The following RUBCN variants were observed in gnomAD, a reference collection of about 807,000 sequenced individuals.
RUBCN encodes rubicon autophagy regulator.
Under a neutral mutation model 113.2 loss-of-function variants are expected in RUBCN, and 74 were observed. The observed-to-expected ratio is 0.65, with a 90% CI of 0.54 to 0.79. The LOEUF (loss-of-function observed/expected upper bound fraction) is 0.79, where lower values mean the gene tolerates loss of function less well. RUBCN is among the 30% of genes least tolerant of loss of function. RUBCN has a pLI of 0.00. For missense variants in RUBCN, 1,109 were observed against 1,251.7 expected, an observed-to-expected ratio of 0.89 and a Z score of 1.72; for synonymous variants, 480 against 490.0, an observed-to-expected ratio of 0.98 and a Z score of 0.27.
chr3:197,722,523 G>A (rs1169097802), intron 1 of RUBCN, among the ~76,000 whole-genome samples: 1 of 151,584 alleles, frequency 6.6e-6, no homozygotes, highest in Non-Finnish European at 1.5e-5. Context: ...GTTTTCGACT[G>A]TTACTGTATC....
At chr3:197,682,449 G>T in intron 14 of RUBCN, 21 bp downstream of exon 14, 2 of 1,613,962 alleles carry the variant, frequency 1.2e-6, no homozygotes, top group Non-Finnish European at 1.7e-6. Context: ...GCTCCAAAGG[G>T]CACAGACACT....
At chr3:197,731,732 G>A (rs1038569826) in intron 1 of RUBCN, among the ~76,000 whole-genome samples, 4 of 150,360 alleles carry the variant, frequency 2.7e-5, no homozygotes, top group African/African-American at 4.9e-5. Context: ...CGGATGGGGC[G>A]ACTGGCCGGG....
At chr3:197,688,889 A>G (rs867700961) in intron 11 of RUBCN, among the ~76,000 whole-genome samples, 1 of 152,200 alleles carries the variant, frequency 6.6e-6, no homozygotes, top group Non-Finnish European at 1.5e-5. Context: ...GCGAGTGGAG[A>G]CAGGAATTCA....
exon 1 of RUBCN, chr3:197,749,593 A>T (rs990390101): frequency 1.6e-5 from 19 of 1,222,164 alleles, no homozygotes; most frequent in Non-Finnish European, 1.9e-5. Context: ...ACCTGTCTGC[A>T]GCAGGAGGGA....
chr3:197,723,651 T>C (rs926989787), intron 1 of RUBCN, among the ~76,000 whole-genome samples: 2 of 152,228 alleles, frequency 1.3e-5, no homozygotes, highest in East Asian at 3.8e-4. Context: ...AGTGTCTTCA[T>C]CTTTTTAGGA....
In RUBCN at chr3:197,730,586, T is replaced by A. The variant is rs563883188; in HGVS notation, c.65+6069A>T. ...ACCCTAGATTTTTTTTTTTTTTTTT[T>A]GAGAGAGAAAGTGGGACCAGGGGGC... is the stretch of plus-strand genomic sequence containing the variant. On this transcript the variant is annotated intron_variant, in intron 1 of 19. Coordinates refer to ENST00000296343, the MANE Select transcript of RUBCN (RefSeq NM_014687.4). Among the ~76,000 whole-genome samples, 271 of 151,172 alleles carry A rather than the reference T, an allele frequency of 1.8e-3. 3 individuals are homozygous for A. The highest frequency in any genetic ancestry group is 4.8e-3 in the African/African-American group (199 of 41,084).
chr3:197,696,945 A>G lies in RUBCN; in HGVS notation c.1357+9T>C, dbSNP rs376822008. 6.7e-6 allele frequency: 10 copies of G among 1,495,232 alleles called. No individual in the cohort carries two copies. The highest frequency in any genetic ancestry group is 1.9e-6 in the Non-Finnish European group (2 of 1,071,664). The allele number at this position is 1,495,232 out of a possible 1,614,324, so 92.6% of individuals were successfully genotyped here. ...ATACAATTTTAGCCCTGGCCTTCCTAGTACTCACCATATTCCATGTACAGA... is the reference window on the plus strand; with the variant it reads ...ATACAATTTTAGCCCTGGCCTTCCTGGTACTCACCATATTCCATGTACAGA... On this transcript the variant is annotated intron_variant, in intron 8 of 19. Transcript: ENST00000296343.
Position 197,677,018 on chromosome 3 carries a change from G to C in RUBCN, c.2513C>G (p.Thr838Arg). 1 of 1,613,792 alleles carries C rather than the reference G, an allele frequency of 6.2e-7. No individual in the cohort carries two copies. Among genetic ancestry groups the C allele is most frequent in the Non-Finnish European group, 8.5e-7 (1 of 1,180,016 alleles). The change falls in exon 18 of 20, where the codon ACA (threonine) becomes AGA (arginine). Residue 838 changes from threonine to arginine, a missense_variant. Physicochemically the swap from Thr to Arg is moderately conservative, Grantham distance 71 (BLOSUM62 -1). Coordinates refer to ENST00000296343, the MANE Select transcript of RUBCN (RefSeq NM_014687.4). ...LAKELLDSFDTVPGHLTEDLH... is the reference protein window; with the variant it reads ...LAKELLDSFDRVPGHLTEDLH... ...GTCCTCTGTCAGGTGGCCTGGGACT[G>C]TGTCAAAGGAATCCAGAAGCCTACA...
intron 2 of RUBCN, 143 bp from the exon 3 acceptor site, chr3:197,705,318 A>G: frequency 1.3e-6 from 1 of 766,174 alleles, no homozygotes; most frequent in Non-Finnish European, 2.3e-6. Context: ...AAGGATACAC[A>G]CAGAGGCCAG....
In RUBCN at chr3:197,681,455, G is replaced by C. The variant is rs1184489574; in HGVS notation, c.2192-88C>G. ...GCTCTGCTTTTCCCTTGAAAGGGCA[G>C]AGAGGGACAGCCAATGGCCTCCAGC... On this transcript the variant is annotated intron_variant, in intron 15 of 19. Transcript: ENST00000296343. This position sits in a 1 kb window ranked among gnomAD's most constrained non-coding sequence, Gnocchi z 5.5. 1 of 1,010,342 alleles carries C rather than the reference G, an allele frequency of 9.9e-7. No individual in the cohort carries two copies. The highest frequency in any genetic ancestry group is 1.6e-5 in the African/African-American group (1 of 63,226). The allele number at this position is 1,010,342 out of a possible 1,614,324, so 62.6% of individuals were successfully genotyped here. A position where few individuals can be genotyped will look rare whatever the true frequency, so the allele number is the denominator to read the frequency against.
At chr3:197,707,319 G>A (rs1296721419) in intron 2 of RUBCN, among the ~76,000 whole-genome samples, 1 of 151,908 alleles carries the variant, frequency 6.6e-6, no homozygotes, top group Non-Finnish European at 1.5e-5. Context: ...GTGACAGAGC[G>A]AGACTCCGGT....
rs761547773 is a variant in RUBCN, at chr3:197,683,296, T to G, written c.1980+11A>C. 2.5e-6 allele frequency: 4 copies of G among 1,614,124 alleles called. No individual in the cohort carries two copies. The South Asian group carries it at 3.3e-5, about 13-fold the overall frequency. On this transcript the variant is annotated intron_variant, in intron 13 of 19. Coordinates refer to ENST00000296343, the MANE Select transcript of RUBCN (RefSeq NM_014687.4). The surrounding 1 kb of genome is among the most constrained non-coding windows in gnomAD (Gnocchi z 4.6). ...ATGGCCCCTGGGTAGGAAGAAGAGC[T>G]AAGGACCTACCTTCTGAGGGGCATC...
intron 1 of RUBCN, among the ~76,000 whole-genome samples, chr3:197,742,582 C>T (rs1212946241): frequency 2.0e-5 from 3 of 152,224 alleles, no homozygotes; most frequent in African/African-American, 4.8e-5. Context: ...CTGCAACTCT[C>T]GCTGAGTAAA....
chr3:197,735,865 C>A (rs1208977729), intron 1 of RUBCN, among the ~76,000 whole-genome samples: 1 of 152,192 alleles, frequency 6.6e-6, no homozygotes, highest in African/African-American at 2.4e-5. Flanking sequence ...GCTGGAATTA[C>A]AGGTGTGAGG....
chr3:197,737,933 G>C (rs1580413889), upstream of RUBCN, among the ~76,000 whole-genome samples: 1 of 152,280 alleles, frequency 6.6e-6, no homozygotes, highest in East Asian at 1.9e-4. Flanking sequence ...CTGTCGCCCA[G>C]GCTGGGGTGC....
Position 197,682,601 on chromosome 3 carries a change from A to G in RUBCN, c.1995T>C (p.Pro665=). Residue 665 remains proline (P), a synonymous_variant, in exon 14 of 20, where the codon CCT becomes CCC. Transcript: ENST00000296343. ...HDAPQKLLPI[P]DSLPISPDDG... ...CATCCGGTGAGATGGGCAGTGAGTC[A>G]GGAATGGGCAGGAGCTGCAGGAGGA... 1.2e-6 allele frequency: 2 copies of G among 1,614,046 alleles called. No individual in the cohort carries two copies. Among genetic ancestry groups the G allele is most frequent in the Non-Finnish European group, 1.7e-6 (2 of 1,179,956 alleles).
intron 7 of RUBCN, chr3:197,699,357 G>A: frequency 6.1e-6 from 4 of 657,680 alleles, no homozygotes; most frequent in East Asian, 2.7e-5. Flanking sequence ...GGAAACCCCA[G>A]TTGTGAAGGA....
chr3:197,694,379 G>A lies in RUBCN; in HGVS notation c.1680C>T (p.His560=), dbSNP rs367963591. 5.1e-5 allele frequency: 82 copies of A among 1,614,166 alleles called. No individual in the cohort carries two copies. In the African/African-American group the frequency reaches 9.1e-4, roughly 18 times the overall value. The part of the protein sequence containing the change: ...NLLPMYQEAE[H]GSFRVTSSSS... The stretch of plus-strand genomic sequence containing the variant: ...GCATCCACAGGCTCCACTGACTTCC[G>A]TGCTCAGCCTCCTGGTACATGGGGA... The change falls in exon 10 of 20, where the codon CAC becomes CAT. Residue 560 remains histidine, a synonymous_variant. Coordinates refer to ENST00000296343, the MANE Select transcript of RUBCN (RefSeq NM_014687.4).
At chr3:197,712,861 C>CTTT (rs10662950) in intron 2 of RUBCN, among the ~76,000 whole-genome samples, 88 of 146,866 alleles carry the variant, frequency 6.0e-4, no homozygotes, top group African/African-American at 1.9e-3. Context: ...GATATTATCA[C>CTTT]TTTTTTTTTT....
Sources: gnomAD v4.1 joint callset for allele counts (sites outside exome capture counted in the v4.1 genomes callset) on GRCh38, gnomAD v4.1.1 for gene constraint, Gnocchi (gnomAD v3.1) non-coding constraint, MANE v1.5 for transcripts, NCBI Gene and HGNC (gene_info 2026-07-23, HGNC 2026-07-21) for gene names.